The following SNAP25 variants were observed in gnomAD, a reference collection of about 807,000 sequenced individuals.
The protein encoded by SNAP25 is synaptosomal-associated protein 25.
SNAP25 carries 3 observed loss-of-function variants against 28.7 expected under a neutral mutation model. The observed-to-expected ratio is 0.10, with a 90% confidence interval of 0.05 to 0.27. The LOEUF is 0.27. SNAP25 is among the 10% of genes least tolerant of loss of function. SNAP25 has a pLI of 1.00. For synonymous variants in SNAP25, 61 were observed against 88.1 expected, an observed-to-expected ratio of 0.69 and a Z score of 1.72; for missense variants, 117 against 278.7, an observed-to-expected ratio of 0.42 and a Z score of 4.13.
chr20:10,294,973 G>A (rs1032180052), intron 5 of SNAP25, among the ~76,000 whole-genome samples: 1 of 152,146 alleles, frequency 6.6e-6, no homozygotes. Context: ...AGGGTCCCCT[G>A]GGATGGATTC....
intron 1 of SNAP25, among the ~76,000 whole-genome samples, chr20:10,272,158 G>T (rs2063606347): frequency 6.6e-6 from 1 of 152,132 alleles, no homozygotes; most frequent in Non-Finnish European, 1.5e-5. Context: ...CTTAGCCAAG[G>T]GTGTAGGGCT....
At chr20:10,284,142 T>C (rs553749340) in intron 3 of SNAP25, among the ~76,000 whole-genome samples, 12 of 152,234 alleles carry the variant, frequency 7.9e-5, no homozygotes, top group Admixed American at 4.6e-4. Flanking sequence ...ACCCTCTCCA[T>C]AGAGATAGAA....
At chr20:10,248,031 A>T (rs1304681775) in intron 1 of SNAP25, among the ~76,000 whole-genome samples, 1 of 152,168 alleles carries the variant, frequency 6.6e-6, no homozygotes. Context: ...CCATTAGACT[A>T]GCCTGGGTTT....
chr20:10,242,250 G>T (rs1248081509), intron 1 of SNAP25, among the ~76,000 whole-genome samples: 1 of 152,354 alleles, frequency 6.6e-6, no homozygotes, highest in Admixed American at 6.5e-5. Flanking sequence ...CAAGGATGTG[G>T]TTGCAGCTGG....
chr20:10,295,706 TG>T (rs1158597537), intron 5 of SNAP25, among the ~76,000 whole-genome samples: 2 of 151,852 alleles, frequency 1.3e-5, no homozygotes, highest in Non-Finnish European at 2.9e-5. Flanking sequence ...AATGTGAAAA[TG>T]GGACCAAAGA....
At chr20:10,271,387 A>G (rs981442850) in intron 1 of SNAP25, among the ~76,000 whole-genome samples, 1 of 152,216 alleles carries the variant, frequency 6.6e-6, no homozygotes, top group Non-Finnish European at 1.5e-5. Flanking sequence ...AGCCGTTCTT[A>G]TTAGGAGAGG....
chr20:10,268,109 C>T (rs2122948671), intron 1 of SNAP25, among the ~76,000 whole-genome samples: 1 of 152,176 alleles, frequency 6.6e-6, no homozygotes, highest in South Asian at 2.1e-4. Flanking sequence ...AAAGAGCAAG[C>T]CCTCCGTAAG....
At chr20:10,300,228 G>T (rs1178158082) in intron 7 of SNAP25, among the ~76,000 whole-genome samples, 1 of 152,138 alleles carries the variant, frequency 6.6e-6, no homozygotes, top group Non-Finnish European at 1.5e-5. Context: ...AGATTGGAAA[G>T]AAACACTGGA....
At chr20:10,226,083 A>C (rs1338281788) in intron 1 of SNAP25, among the ~76,000 whole-genome samples, 1 of 152,174 alleles carries the variant, frequency 6.6e-6, no homozygotes, top group African/African-American at 2.4e-5. Context: ...TACAGTTTCA[A>C]AGAATAATAA....
intron 1 of SNAP25, among the ~76,000 whole-genome samples, chr20:10,262,856 C>T (rs2063438790): frequency 6.6e-6 from 1 of 151,958 alleles, no homozygotes. Context: ...GGCACAGAAG[C>T]AGTACAGGAG....
chr20:10,277,463 G>A (rs1435447431), intron 2 of SNAP25, among the ~76,000 whole-genome samples: 1 of 152,192 alleles, frequency 6.6e-6, no homozygotes, highest in African/African-American at 2.4e-5. Flanking sequence ...ATTTTCTGAA[G>A]ATAAGCTGTA....
chr20:10,243,621 G>A (rs138653973), intron 1 of SNAP25, among the ~76,000 whole-genome samples: 48 of 152,298 alleles, frequency 3.2e-4, no homozygotes, highest in African/African-American at 1.1e-3. Flanking sequence ...CAAGACTAGG[G>A]TTGTTAGACT....
At chr20:10,235,428 A>T (rs913575832) in intron 1 of SNAP25, among the ~76,000 whole-genome samples, 3 of 152,222 alleles carry the variant, frequency 2.0e-5, no homozygotes, top group Non-Finnish European at 4.4e-5. Flanking sequence ...TGGTAATGAG[A>T]ATATCTGCTA....
chr20:10,277,781 C>A, intron 3 of SNAP25, 55 bp downstream of exon 3: 1 of 1,486,374 alleles, frequency 6.7e-7, no homozygotes, highest in Non-Finnish European at 9.4e-7. Flanking sequence ...GCTGATACAT[C>A]CTTTCCTAGT....
At chr20:10,240,356 C>G (rs2063003899) in intron 1 of SNAP25, among the ~76,000 whole-genome samples, 1 of 152,174 alleles carries the variant, frequency 6.6e-6, no homozygotes, top group Non-Finnish European at 1.5e-5. Context: ...TCCTTTTTTA[C>G]TTATCTCAAA....
intron 2 of SNAP25, among the ~76,000 whole-genome samples, chr20:10,277,194 C>T (rs2063705958): frequency 6.6e-6 from 1 of 152,160 alleles, no homozygotes; most frequent in Non-Finnish European, 1.5e-5. Flanking sequence ...TGATTTTTTT[C>T]ACCCTAAGGC....
chr20:10,286,370 G>A (rs1004639487), intron 4 of SNAP25, among the ~76,000 whole-genome samples: 1 of 152,174 alleles, frequency 6.6e-6, no homozygotes, highest in Non-Finnish European at 1.5e-5. Flanking sequence ...GATAGGTCAA[G>A]GGGAGAGCTG....
chr20:10,246,361 C>T (rs1167059159), intron 1 of SNAP25, among the ~76,000 whole-genome samples: 1 of 152,066 alleles, frequency 6.6e-6, no homozygotes, highest in Admixed American at 6.6e-5. Context: ...AGGGGGTTGG[C>T]CTATTTATTG....
chr20:10,238,387 T>A (rs1290515311), intron 1 of SNAP25, among the ~76,000 whole-genome samples: 2 of 152,188 alleles, frequency 1.3e-5, no homozygotes, highest in South Asian at 2.1e-4. Context: ...TAAGATAGCA[T>A]GCAGCAAGGA....
Sources: allele counts gnomAD v4.1 joint callset (sites outside exome capture counted in the v4.1 genomes callset), GRCh38; gene constraint gnomAD v4.1.1; transcripts MANE v1.5; gene names NCBI Gene and HGNC (gene_info 2026-07-23, HGNC 2026-07-21).